The following PARD3 variants were observed in gnomAD, a reference collection of about 807,000 sequenced individuals.
PARD3 encodes the protein par-3 family cell polarity regulator.
In PARD3, 75 loss-of-function variants were observed where a neutral mutation model predicts 155.4. The observed-to-expected ratio is 0.48, with a 90% CI of 0.40 to 0.58. PARD3 has a LOEUF of 0.58. PARD3 is among the 20% of genes least tolerant of loss of function. The probability of loss-of-function intolerance (pLI) is 0.00; values close to 1 mark genes in which losing one functional copy is unlikely to be tolerated. For missense variants in PARD3, 1,642 were observed against 1,721.7 expected (o/e 0.95, Z 0.82); for synonymous variants, 576 against 610.5 (o/e 0.94, Z 0.83).
At chr10:34,530,061 G>A (rs554672446) in intron 2 of PARD3, among the ~76,000 whole-genome samples, 1 of 152,178 alleles carries the variant, frequency 6.6e-6, no homozygotes, top group South Asian at 2.1e-4. Flanking sequence ...ATCATTAAGT[G>A]GAAGTGGACC....
At chr10:34,180,962 A>G (rs1008983118) in intron 22 of PARD3, among the ~76,000 whole-genome samples, 8 of 152,104 alleles carry the variant, frequency 5.3e-5, no homozygotes, top group Non-Finnish European at 1.0e-4. Flanking sequence ...AAAGCCCAAT[A>G]TTTTTGGTCA....
At chr10:34,641,453 T>C (rs185932660) in intron 2 of PARD3, among the ~76,000 whole-genome samples, 7 of 152,324 alleles carry the variant, frequency 4.6e-5, no homozygotes, top group African/African-American at 1.4e-4. Context: ...CTGAAAGTAT[T>C]TGAGCCCTGC....
rs552601474 is a variant in PARD3 at position 34,311,777 on chromosome 10, T to C, written c.3065+5330A>G. Among the ~76,000 whole-genome samples the C allele has an allele frequency of 2.0e-5, 3 of 152,084 alleles. No homozygotes were observed. In the South Asian group the frequency reaches 6.2e-4, roughly 32 times the overall value. On this transcript the variant is annotated intron_variant, in intron 20 of 24. Transcript: ENST00000374788. ...CCAACCACCCATTTTTGGTCTAAAC[T>C]CTGTAATCCACAAAGGGACTGAAAC...
chr10:34,738,808 T>C (rs1470997079), intron 1 of PARD3, among the ~76,000 whole-genome samples: 1 of 151,978 alleles, frequency 6.6e-6, no homozygotes, highest in African/African-American at 2.4e-5. Context: ...TAAGACCCTG[T>C]CTCAAAATAA....
At chr10:34,746,309 C>T (rs1164334589) in intron 1 of PARD3, among the ~76,000 whole-genome samples, 1 of 151,570 alleles carries the variant, frequency 6.6e-6, no homozygotes. Flanking sequence ...ATTAGCTGGG[C>T]ATGGCAGCAC....
intron 19 of PARD3, among the ~76,000 whole-genome samples, chr10:34,326,145 AG>A (rs926239179): frequency 6.6e-6 from 1 of 151,410 alleles, no homozygotes; most frequent in African/African-American, 2.4e-5. Flanking sequence ...AAAAAAAAAA[AG>A]TTAGAAATGA....
intron 22 of PARD3, among the ~76,000 whole-genome samples, chr10:34,248,505 T>C (rs1198623502): frequency 3.9e-5 from 6 of 152,234 alleles, no homozygotes; most frequent in Non-Finnish European, 7.3e-5. Flanking sequence ...AGCTGACATA[T>C]GGTCTAACAA....
intron 2 of PARD3, among the ~76,000 whole-genome samples, chr10:34,636,812 C>T (rs1308341839): frequency 6.6e-6 from 1 of 152,188 alleles, no homozygotes; most frequent in Non-Finnish European, 1.5e-5. Flanking sequence ...GGGTGCACAG[C>T]TGCACACGAC....
intron 2 of PARD3, among the ~76,000 whole-genome samples, chr10:34,608,923 C>A (rs1564411554): frequency 6.6e-6 from 1 of 152,148 alleles, no homozygotes; most frequent in Non-Finnish European, 1.5e-5. Flanking sequence ...AGATCATCTA[C>A]AGTCTACAGG....
chr10:34,811,896 G>A (rs779305506), intron 1 of PARD3, among the ~76,000 whole-genome samples: 30 of 152,220 alleles, frequency 2.0e-4, no homozygotes, highest in South Asian at 1.2e-3. Flanking sequence ...TCCATGTAAC[G>A]CGGTTCCCAA....
chr10:34,793,225 G>C (rs1841876588), intron 1 of PARD3, among the ~76,000 whole-genome samples: 1 of 152,190 alleles, frequency 6.6e-6, no homozygotes, highest in Non-Finnish European at 1.5e-5. Context: ...GAGCCAAGAG[G>C]AGAGGGAAAA....
intron 20 of PARD3, among the ~76,000 whole-genome samples, chr10:34,316,047 G>A (rs958517534): frequency 6.6e-6 from 1 of 152,134 alleles, no homozygotes; most frequent in Non-Finnish European, 1.5e-5. Flanking sequence ...CCTGAGTTAT[G>A]GAGGTCAATT....
At chr10:34,215,809 G>A (rs556876206) in intron 22 of PARD3, among the ~76,000 whole-genome samples, 53 of 152,328 alleles carry the variant, frequency 3.5e-4, no homozygotes, top group Non-Finnish European at 6.0e-4. Context: ...TGTGTCACAC[G>A]CTGGCACAGG....
At chr10:34,705,490 GAA>G (rs10635063) in intron 1 of PARD3, among the ~76,000 whole-genome samples, 2 of 140,344 alleles carry the variant, frequency 1.4e-5, no homozygotes, top group Non-Finnish European at 3.1e-5. Context: ...CCTGTCTCAG[GAA>G]AAAAAAAAAA....
intron 1 of PARD3, among the ~76,000 whole-genome samples, chr10:34,780,448 A>ATATT (rs1840109077): frequency 6.6e-6 from 1 of 152,230 alleles, no homozygotes; most frequent in African/African-American, 2.4e-5. Flanking sequence ...TTTGTTGGCA[A>ATATT]TATTTTCTAG....
chr10:34,258,505 T>C (rs1954777272), intron 22 of PARD3, among the ~76,000 whole-genome samples: 1 of 152,208 alleles, frequency 6.6e-6, no homozygotes, highest in East Asian at 1.9e-4. Flanking sequence ...TGAAGAATGA[T>C]GAATTCTGTT....
At chr10:34,581,234 CTTTTTTTTTT>C (rs779658592) in intron 2 of PARD3, among the ~76,000 whole-genome samples, 1 of 101,274 alleles carries the variant, frequency 9.9e-6, no homozygotes, top group African/African-American at 4.2e-5. Flanking sequence ...TTTTTCTTTT[CTTTTTTTTTT>C]TTTTTTTTGA....
chr10:34,366,237 C>T (rs188157895), intron 12 of PARD3, among the ~76,000 whole-genome samples: 3 of 152,214 alleles, frequency 2.0e-5, no homozygotes, highest in South Asian at 2.1e-4. Context: ...ACTTTCAGTA[C>T]GGTATCCCAT....
At chr10:34,351,176 C>G (rs1039828641) in intron 14 of PARD3, among the ~76,000 whole-genome samples, 1 of 152,182 alleles carries the variant, frequency 6.6e-6, no homozygotes, top group African/African-American at 2.4e-5. Context: ...ATTGGAATGG[C>G]CTTAAACCCC....
Sources: allele counts gnomAD v4.1 joint callset (sites outside exome capture counted in the v4.1 genomes callset), GRCh38; gene constraint gnomAD v4.1.1; transcripts MANE v1.5; gene names NCBI Gene and HGNC (gene_info 2026-07-23, HGNC 2026-07-21).